Variants in FGF14 observed in about 807,000 individuals in gnomAD.
FGF14 encodes the protein fibroblast growth factor homologous factor 4.
In FGF14, 5 loss-of-function variants were observed where a neutral mutation model predicts 25.5. The ratio of observed to expected loss-of-function variants is 0.20; its 90% CI spans 0.10 to 0.41. The LOEUF (loss-of-function observed/expected upper bound fraction) is 0.41, where lower values mean the gene tolerates loss of function less well. FGF14 is among the 10% of genes least tolerant of loss of function. FGF14 has a pLI of 1.00. For synonymous variants in FGF14, 138 were observed against 118.3 expected (o/e 1.17, Z -1.08); for missense variants, 222 against 320.1 (o/e 0.69, Z 2.34).
intron 1 of FGF14, among the ~76,000 whole-genome samples, chr13:102,270,748 T>A (rs534266822): frequency 6.6e-6 from 1 of 152,326 alleles, no homozygotes; most frequent in African/African-American, 2.4e-5. Flanking sequence ...AAGCTGTTTG[T>A]CATTTATTTG....
intron 1 of FGF14, among the ~76,000 whole-genome samples, chr13:101,935,558 G>A (rs2035045277): frequency 1.3e-5 from 2 of 152,238 alleles, no homozygotes; most frequent in South Asian, 2.1e-4. Flanking sequence ...ATAAGTGTCT[G>A]GCATTTCCCC....
At chr13:101,804,141 G>A (rs954353514) in intron 3 of FGF14, among the ~76,000 whole-genome samples, 7 of 152,024 alleles carry the variant, frequency 4.6e-5, no homozygotes, top group East Asian at 1.9e-4. Flanking sequence ...CTATGTCTAC[G>A]GTTACTTCAA....
At chr13:102,393,868 C>G (rs932782442) in intron 1 of FGF14, 4 of 152,188 alleles carry the variant, frequency 2.6e-5, no homozygotes, top group African/African-American at 7.2e-5. Context: ...TCGCTAAGGT[C>G]AACCTCTTAT....
intron 1 of FGF14, among the ~76,000 whole-genome samples, chr13:102,313,491 A>G (rs568261913): frequency 6.6e-5 from 10 of 152,140 alleles, no homozygotes; most frequent in African/African-American, 2.2e-4. Context: ...AACAGTCCCG[A>G]TTTTACAGGA....
chr13:102,327,519 C>T (rs1031926695), intron 1 of FGF14, among the ~76,000 whole-genome samples: 5 of 152,028 alleles, frequency 3.3e-5, no homozygotes, highest in Non-Finnish European at 5.9e-5. Flanking sequence ...TAACAGAGGG[C>T]GACTGTACTA....
At chr13:101,875,513 T>C (rs1380584064) in intron 1 of FGF14, among the ~76,000 whole-genome samples, 1 of 152,142 alleles carries the variant, frequency 6.6e-6, no homozygotes, top group African/African-American at 2.4e-5. Flanking sequence ...CAGGCTGTTT[T>C]ATAAAACTGG....
intron 1 of FGF14, among the ~76,000 whole-genome samples, chr13:102,127,551 A>T (rs2046000423): frequency 6.6e-6 from 1 of 152,250 alleles, no homozygotes; most frequent in South Asian, 2.1e-4. Context: ...GAGGATTTGT[A>T]TAACTTTTAC....
intron 1 of FGF14, among the ~76,000 whole-genome samples, chr13:102,057,053 T>G (rs1419210407): frequency 6.6e-6 from 1 of 151,930 alleles, no homozygotes; most frequent in East Asian, 1.9e-4. Context: ...TTGCTGCCAA[T>G]AAAATATGGT....
chr13:101,820,790 A>T, intron 3 of FGF14, among the ~76,000 whole-genome samples: 1 of 33,932 alleles, frequency 2.9e-5, no homozygotes, highest in Non-Finnish European at 8.5e-5. Flanking sequence ...ACACACACAC[A>T]CACACACACA....
intron 1 of FGF14, among the ~76,000 whole-genome samples, chr13:101,971,990 A>T (rs192121838): frequency 2.6e-5 from 4 of 152,216 alleles, no homozygotes; most frequent in Non-Finnish European, 5.9e-5. Flanking sequence ...TCAGGAACAC[A>T]AGTGGGCGGA....
chr13:101,985,771 C>A (rs1373341409), intron 1 of FGF14, among the ~76,000 whole-genome samples: 1 of 152,056 alleles, frequency 6.6e-6, no homozygotes, highest in Non-Finnish European at 1.5e-5. Flanking sequence ...ATTAACCAAA[C>A]TATAAACTGA....
At chr13:102,348,830 G>A (rs1020472099) in intron 1 of FGF14, among the ~76,000 whole-genome samples, 8 of 152,250 alleles carry the variant, frequency 5.3e-5, no homozygotes, top group African/African-American at 1.9e-4. Flanking sequence ...TCAGACACGG[G>A]ACCACTTTTC....
upstream of FGF14, among the ~76,000 whole-genome samples, chr13:101,918,600 G>A (rs1012780157): frequency 1.3e-5 from 2 of 152,210 alleles, no homozygotes; most frequent in Non-Finnish European, 2.9e-5. Context: ...TCGCCACCAG[G>A]CAACTGGGGG....
At chr13:101,745,759 C>A (rs866892927) in intron 3 of FGF14, among the ~76,000 whole-genome samples, 2 of 151,966 alleles carry the variant, frequency 1.3e-5, no homozygotes, top group Admixed American at 6.6e-5. Flanking sequence ...GGTTTGACCA[C>A]GTCTTGAAGA....
At chr13:101,883,850 G>A (rs937827667) in intron 1 of FGF14, among the ~76,000 whole-genome samples, 4 of 151,748 alleles carry the variant, frequency 2.6e-5, no homozygotes, top group Non-Finnish European at 1.5e-5. Flanking sequence ...ATCACCTGAG[G>A]TCAGGAGTTC....
At chr13:102,357,420 G>C (rs987670994) in intron 1 of FGF14, among the ~76,000 whole-genome samples, 5 of 151,956 alleles carry the variant, frequency 3.3e-5, no homozygotes, top group African/African-American at 9.7e-5. Context: ...CAGTAGCCAA[G>C]GTCCAGAAAT....
intron 1 of FGF14, among the ~76,000 whole-genome samples, chr13:102,321,932 G>A (rs1031077994): frequency 6.6e-6 from 1 of 152,152 alleles, no homozygotes; most frequent in African/African-American, 2.4e-5. Flanking sequence ...ACTCTGTACT[G>A]GGAGCAGACC....
At chr13:102,207,360 T>G (rs1355551879) in intron 1 of FGF14, among the ~76,000 whole-genome samples, 3 of 151,522 alleles carry the variant, frequency 2.0e-5, no homozygotes, top group Non-Finnish European at 4.4e-5. Context: ...TTTTCTCAAT[T>G]CAGTTAATGC....
chr13:102,064,818 G>A (rs559944662), intron 1 of FGF14, among the ~76,000 whole-genome samples: 2 of 151,978 alleles, frequency 1.3e-5, no homozygotes, highest in Non-Finnish European at 2.9e-5. Flanking sequence ...ATGATTTAAA[G>A]TATATTGAAG....
Sources: gnomAD v4.1 joint callset for allele counts (sites outside exome capture counted in the v4.1 genomes callset) on GRCh38, gnomAD v4.1.1 for gene constraint, MANE v1.5 for transcripts, NCBI Gene and HGNC (gene_info 2026-07-23, HGNC 2026-07-21) for gene names.